The following ARHGAP32 variants were observed in gnomAD, a reference collection of about 807,000 sequenced individuals.
ARHGAP32 encodes Rho GTPase activating protein 32, also known as rho GTPase-activating protein 32.
ARHGAP32 carries 51 observed loss-of-function variants against 186.5 expected under a neutral mutation model. The ratio of observed to expected loss-of-function variants is 0.27; its 90% confidence interval spans 0.22 to 0.35. ARHGAP32 has a LOEUF of 0.35. Ranked by LOEUF, ARHGAP32 falls within the 10% of genes least tolerant of loss-of-function variation. The probability of loss-of-function intolerance (pLI) is 1.00; values close to 1 mark genes in which losing one functional copy is unlikely to be tolerated. For missense variants in ARHGAP32, 2,186 were observed against 2,623.5 expected (o/e 0.83, Z 3.64); for synonymous variants, 950 against 964.3 (o/e 0.99, Z 0.27).
At chr11:129,243,526 C>A (rs541072934) in intron 1 of ARHGAP32, among the ~76,000 whole-genome samples, 13 of 152,278 alleles carry the variant, frequency 8.5e-5, no homozygotes, top group African/African-American at 3.1e-4. Context: ...CCTACCTCCA[C>A]CAAACCATTC....
Position 129,164,401 on chromosome 11 carries a change from T to G in ARHGAP32, c.143A>C (p.Glu48Ala). ...FRKMKSSVHS[E>A]EDDFVPELHR... is the part of the protein sequence containing the mutation. ...TAGCTCTGGAACAAAATCATCTTCTTCAGAATGTACTGAGGACTTCATCTT... is the reference window on the plus strand; with the variant it reads ...TAGCTCTGGAACAAAATCATCTTCTGCAGAATGTACTGAGGACTTCATCTT... The change falls in exon 2 of 23, where the codon GAA (glutamate) becomes GCA (alanine). Residue 48 changes from glutamate (E) to alanine (A), a missense_variant. This residue lies in a region of ARHGAP32 where 108 missense variants were observed against 116.8 expected (regional missense o/e 0.92). Coordinates refer to ENST00000682385, the MANE Select transcript of ARHGAP32 (RefSeq NM_001378024.1). The G allele has an allele frequency of 6.4e-7, 1 of 1,569,000 alleles. No individual in the cohort carries two copies. The highest frequency in any genetic ancestry group is 8.7e-7 in the Non-Finnish European group (1 of 1,155,136).
intron 1 of ARHGAP32, among the ~76,000 whole-genome samples, chr11:129,247,820 G>C (rs894148327): frequency 6.6e-6 from 1 of 152,138 alleles, no homozygotes; most frequent in African/African-American, 2.4e-5. Flanking sequence ...GTATTACAGG[G>C]AGAGGCATGC....
In ARHGAP32 at chr11:128,970,188, G is replaced by A. The variant is rs1047995935; in HGVS notation, c.5025C>T (p.Tyr1675=). 2 of 1,614,228 alleles carry A rather than the reference G, an allele frequency of 1.2e-6. No individual in the cohort carries two copies. The highest frequency in any genetic ancestry group is 1.7e-6 in the Non-Finnish European group (2 of 1,180,046). ...CATCACACAGGGCCCCATCTGGACT[G>A]TAATAGGAACTAGAAGAACTGGAAT... is the stretch of plus-strand genomic sequence containing the variant. The part of the protein sequence containing the change: ...SPYSSSSSSY[Y]SPDGALCDVD... Residue 1675 remains tyrosine, a synonymous_variant, in exon 23 of 23, where the codon TAC becomes TAT. Coordinates refer to ENST00000682385, the MANE Select transcript of ARHGAP32 (RefSeq NM_001378024.1). The surrounding 1 kb of genome is among the most constrained non-coding windows in gnomAD (Gnocchi z 5.8).
At chr11:129,025,236 C>T (rs1938783089) in intron 11 of ARHGAP32, among the ~76,000 whole-genome samples, 1 of 152,154 alleles carries the variant, frequency 6.6e-6, no homozygotes, top group African/African-American at 2.4e-5. Flanking sequence ...GGTCCCATAA[C>T]AGTAACTGGC....
chr11:129,044,975 T>C (rs1033933384), intron 10 of ARHGAP32, among the ~76,000 whole-genome samples: 4 of 152,132 alleles, frequency 2.6e-5, no homozygotes, highest in African/African-American at 9.7e-5. Context: ...ATCACATACA[T>C]TAGTTACATT....
rs556949370 is a variant in ARHGAP32 at position 129,230,060 on chromosome 11, C to G, written c.-5+49086G>C. Among the ~76,000 whole-genome samples the G allele has an allele frequency of 1.8e-3, 281 of 152,256 alleles. 3 individuals are homozygous for G. Among genetic ancestry groups the G allele is most frequent in the African/African-American group, 6.6e-3 (276 of 41,552 alleles). ...AAACTCCTGGGCACAAGCGATCTGCCTGTCTCGGCCTCCCAAAGTGCTGAT... is the reference window on the plus strand; with the variant it reads ...AAACTCCTGGGCACAAGCGATCTGCGTGTCTCGGCCTCCCAAAGTGCTGAT... On this transcript the variant is annotated intron_variant, in intron 1 of 6. Transcript: ENST00000525234.
rs756038716 is a variant in ARHGAP32 at position 128,969,487 on chromosome 11, G to A, written c.5726C>T (p.Pro1909Leu). The change falls in exon 23 of 23, where the codon CCC becomes CTC. Residue 1909 changes from proline to leucine, a missense_variant. Pro to Leu is a moderately conservative substitution (Grantham distance 98). Coordinates refer to ENST00000682385, the MANE Select transcript of ARHGAP32 (RefSeq NM_001378024.1). The surrounding 1 kb of genome is among the most constrained non-coding windows in gnomAD (Gnocchi z 4.8). ...HRQFCESKNG[P>L]PYPQGAGQLD... is the part of the protein sequence containing the mutation. Reference sequence around the variant, plus strand: ...CTGGCCAGCTCCCTGGGGATAAGGGGGCCCATTCTTTGACTCACAGAACTG... The same window carrying A: ...CTGGCCAGCTCCCTGGGGATAAGGGAGCCCATTCTTTGACTCACAGAACTG... The A allele has an allele frequency of 1.2e-6, 2 of 1,614,142 alleles. No individual in the cohort carries two copies. The highest frequency in any genetic ancestry group is 2.2e-5 in the East Asian group (1 of 44,886).
In ARHGAP32 at chr11:129,120,303, T is replaced by C. The variant is rs1424859264; in HGVS notation, c.444+3143A>G. The stretch of plus-strand genomic sequence containing the variant: ...AGGATAGAGTTGCTATTTACCAAGA[T>C]GGGAAGTCAGCAGAAAGAGCAGGTC... On this transcript the variant is annotated intron_variant, in intron 5 of 22. Coordinates refer to ENST00000682385, the MANE Select transcript of ARHGAP32 (RefSeq NM_001378024.1). 2.0e-5 allele frequency among the ~76,000 whole-genome samples: 3 copies of C among 152,010 alleles called. No homozygotes were observed. The East Asian group carries it at 5.8e-4, about 29-fold the overall frequency.
intron 2 of ARHGAP32, among the ~76,000 whole-genome samples, chr11:129,141,908 C>T (rs1943062218): frequency 1.3e-5 from 2 of 152,040 alleles, no homozygotes; most frequent in Non-Finnish European, 2.9e-5. Context: ...GCTTCTTCCT[C>T]CTCTGCGTAT....
intron 1 of ARHGAP32, among the ~76,000 whole-genome samples, chr11:129,182,270 T>C (rs1006760298): frequency 6.6e-6 from 1 of 152,120 alleles, no homozygotes; most frequent in Non-Finnish European, 1.5e-5. Context: ...TGTACAAATA[T>C]ATCTGAAAAA....
intron 2 of ARHGAP32, among the ~76,000 whole-genome samples, chr11:129,126,487 T>C (rs1942665106): frequency 6.6e-6 from 1 of 152,234 alleles, no homozygotes; most frequent in Admixed American, 6.5e-5. Flanking sequence ...CTAGTCTGCA[T>C]TTCACTTTCA....
At chr11:129,159,073 T>G (rs1325051399) in intron 2 of ARHGAP32, among the ~76,000 whole-genome samples, 1 of 152,174 alleles carries the variant, frequency 6.6e-6, no homozygotes, top group Non-Finnish European at 1.5e-5. Flanking sequence ...AGAGGGAAAT[T>G]TATTGCATTA....
chr11:129,245,463 G>A (rs188561365), intron 1 of ARHGAP32, among the ~76,000 whole-genome samples: 7,363 of 148,986 alleles, frequency 0.049, 259 homozygotes, highest in Non-Finnish European at 0.071. Flanking sequence ...GTGGGGGGAC[G>A]GGGGAGGGAT....
In ARHGAP32 at chr11:128,970,827, G is replaced by A. The variant is rs1945345836; in HGVS notation, c.4386C>T (p.Ser1462=). The change falls in exon 23 of 23, where the codon TCC becomes TCT. Residue 1462 remains serine (S), a synonymous_variant. Transcript: ENST00000682385. The surrounding 1 kb of genome is among the most constrained non-coding windows in gnomAD (Gnocchi z 5.8). ...SNYHSFVTAS[S]TSVDDALPLP... ...AAGGCAATGCATCGTCCACAGAGGTGGATGAAGCAGTGACAAAGGAATGAT... is the reference window on the plus strand; with the variant it reads ...AAGGCAATGCATCGTCCACAGAGGTAGATGAAGCAGTGACAAAGGAATGAT... 6.2e-7 allele frequency: 1 copy of A among 1,614,100 alleles called. No homozygotes were observed. The highest frequency in any genetic ancestry group is 1.7e-5 in the Admixed American group (1 of 60,010).
chr11:129,086,616 T>C (rs1243792284), intron 6 of ARHGAP32, among the ~76,000 whole-genome samples: 1 of 151,882 alleles, frequency 6.6e-6, no homozygotes, highest in African/African-American at 2.4e-5. Flanking sequence ...GGTCAGGAGA[T>C]CGAGACCATC....
rs1209894245 is a variant in ARHGAP32, at chr11:128,972,891, A to G, written c.3615T>C (p.Ser1205=). The part of the protein sequence containing the change: ...SFPEDQSGKN[S]MPTVSFLDQD... ...GATCCAAGAAGGAGACAGTTGGCAT[A>G]CTGTTCTTCCCAGACTGGTCTTCAG... Residue 1205 remains serine (S), a synonymous_variant, in exon 22 of 23, where the codon AGT becomes AGC. Coordinates refer to ENST00000682385, the MANE Select transcript of ARHGAP32 (RefSeq NM_001378024.1). 6.2e-7 allele frequency: 1 copy of G among 1,613,928 alleles called. No individual in the cohort carries two copies. Among genetic ancestry groups the G allele is most frequent in the African/African-American group, 1.3e-5 (1 of 74,876 alleles).
chr11:129,172,911 A>G (rs1368953990), intron 1 of ARHGAP32, among the ~76,000 whole-genome samples: 1 of 152,040 alleles, frequency 6.6e-6, no homozygotes, highest in Non-Finnish European at 1.5e-5. Context: ...AAACTAATCC[A>G]AAAGCTAGCA....
intron 5 of ARHGAP32, among the ~76,000 whole-genome samples, chr11:129,112,110 G>A (rs770391559): frequency 6.6e-6 from 1 of 152,108 alleles, no homozygotes; most frequent in Non-Finnish European, 1.5e-5. Context: ...AGACATGGTG[G>A]CTTGCACCTG....
At chr11:129,062,574 G>A (rs1053162027) in intron 9 of ARHGAP32, among the ~76,000 whole-genome samples, 10 of 152,158 alleles carry the variant, frequency 6.6e-5, no homozygotes, top group Non-Finnish European at 1.5e-5. Flanking sequence ...CACAAAGACT[G>A]TGATTCAACT....
Sources: gnomAD v4.1 joint callset for allele counts (sites outside exome capture counted in the v4.1 genomes callset) on GRCh38, gnomAD v4.1.1 for gene constraint, gnomAD v4.1.1 regional missense constraint, Gnocchi (gnomAD v3.1) non-coding constraint, MANE v1.5 for transcripts, NCBI Gene and HGNC (gene_info 2026-07-23, HGNC 2026-07-21) for gene names.